Variants in MICAL3 observed in about 807,000 individuals in gnomAD.
MICAL3 encodes the protein [F-actin]-monooxygenase MICAL3.
MICAL3 carries 62 observed loss-of-function variants against 207.4 expected under a neutral mutation model. The ratio of observed to expected loss-of-function variants is 0.30; its 90% CI spans 0.24 to 0.37. The LOEUF is 0.37. Ranked by LOEUF, MICAL3 falls within the 10% of genes least tolerant of loss-of-function variation. MICAL3 has a pLI of 1.00. For missense variants in MICAL3, 2,368 were observed against 2,635.6 expected, an observed-to-expected ratio of 0.90 and a Z score of 2.22; for synonymous variants, 1,077 against 1,069.3, an observed-to-expected ratio of 1.01 and a Z score of -0.14.
intron 1 of MICAL3, among the ~76,000 whole-genome samples, chr22:17,938,240 G>A (rs1426493195): frequency 1.3e-5 from 2 of 152,082 alleles, no homozygotes; most frequent in Non-Finnish European, 2.9e-5. Flanking sequence ...ACTCAAGAGC[G>A]CCTCACTTTA....
At chr22:17,836,103 T>G (rs1415726473) in intron 20 of MICAL3, among the ~76,000 whole-genome samples, 2 of 152,260 alleles carry the variant, frequency 1.3e-5, no homozygotes, top group African/African-American at 4.8e-5. Context: ...TCCCCCCAGC[T>G]GTCTTCTCAC....
intron 1 of MICAL3, among the ~76,000 whole-genome samples, chr22:17,964,041 G>A (rs543999988): frequency 6.6e-6 from 1 of 152,306 alleles, no homozygotes; most frequent in East Asian, 1.9e-4. Flanking sequence ...TAATAACAGA[G>A]AGACTTCCTT....
rs556490572 is a variant in MICAL3, at chr22:17,963,668, G to A, written c.-74-56782C>T. ...CCATCAACGTGCTCCATAAGCCATA[G>A]GAGTCACCACAAACTTCGCAAGTGG... On this transcript the variant is annotated intron_variant, in intron 1 of 31. Coordinates refer to ENST00000441493, the MANE Select transcript of MICAL3 (RefSeq NM_015241.3). Among the ~76,000 whole-genome samples, 7 of 152,266 alleles carry A rather than the reference G, an allele frequency of 4.6e-5. No homozygotes were observed. In the East Asian group the frequency reaches 1.4e-3, roughly 29 times the overall value.
intron 29 of MICAL3, among the ~76,000 whole-genome samples, chr22:17,799,832 T>TA (rs1413986407): frequency 2.6e-5 from 4 of 151,748 alleles, no homozygotes; most frequent in Non-Finnish European, 5.9e-5. Flanking sequence ...AATGCAGAGA[T>TA]AAAGCTCCAG....
Position 17,831,972 on chromosome 22 carries a change from C to T in MICAL3, c.2937G>A (p.Glu979=). ...IHALLKGKSE[E]ELEASKSFGP... ...CAAAGCTCTTTGAGGCCTCTAGCTC[C>T]TCTTCACTTTTCCCTTTCAGAAGGG... Residue 979 remains glutamate, a synonymous_variant, in exon 21 of 32, where the codon GAG becomes GAA. Transcript: ENST00000441493. The T allele has an allele frequency of 6.3e-7, 1 of 1,596,964 alleles. No homozygotes were observed. Among genetic ancestry groups the T allele is most frequent in the Non-Finnish European group, 8.5e-7 (1 of 1,171,810 alleles).
chr22:17,893,085 A>G (rs1256212713), intron 11 of MICAL3, among the ~76,000 whole-genome samples: 1 of 152,192 alleles, frequency 6.6e-6, no homozygotes. Context: ...CACCTCTTCG[A>G]GGCCGCACAA....
intron 1 of MICAL3, among the ~76,000 whole-genome samples, chr22:17,922,437 A>G (rs899125120): frequency 6.6e-6 from 1 of 152,216 alleles, no homozygotes; most frequent in Non-Finnish European, 1.5e-5. Flanking sequence ...AGGACCAGGA[A>G]GCAGCCACAG....
At chr22:17,804,242 G>C (rs919193293) in intron 29 of MICAL3, among the ~76,000 whole-genome samples, 1 of 152,150 alleles carries the variant, frequency 6.6e-6, no homozygotes, top group Non-Finnish European at 1.5e-5. Flanking sequence ...GAGCGGGGCT[G>C]CCTGCGTGTC....
At chr22:17,953,277 T>C (rs916988470) in intron 1 of MICAL3, among the ~76,000 whole-genome samples, 2 of 152,058 alleles carry the variant, frequency 1.3e-5, no homozygotes, top group Non-Finnish European at 2.9e-5. Flanking sequence ...CCCACTAAAA[T>C]AAATTGAACA....
intron 16 of MICAL3, chr22:17,875,501 A>G (rs1180704373): frequency 6.4e-7 from 1 of 1,556,858 alleles, no homozygotes; most frequent in East Asian, 2.4e-5. Flanking sequence ...AGCGGAGACT[A>G]AGAGAAAGCT....
intron 1 of MICAL3, among the ~76,000 whole-genome samples, chr22:17,964,224 C>A (rs1602304414): frequency 6.6e-6 from 1 of 152,318 alleles, no homozygotes; most frequent in East Asian, 1.9e-4. Flanking sequence ...CTCCTCAGCT[C>A]AAGAGGAAGA....
At chr22:18,016,738 A>C (rs1924078837) in intron 1 of MICAL3, among the ~76,000 whole-genome samples, 2 of 152,198 alleles carry the variant, frequency 1.3e-5, no homozygotes, top group African/African-American at 2.4e-5. Flanking sequence ...CAGGAGATCA[A>C]GACCATCCTG....
At chr22:17,817,275 C>CGCACCCCTCCA in intron 26 of MICAL3, 36 bp downstream of exon 26, 1 of 1,542,348 alleles carries the variant, frequency 6.5e-7, no homozygotes, top group South Asian at 1.2e-5. Flanking sequence ...GCACCCCTCC[C>CGCACCCCTCCA]GCTCTGCCTG....
chr22:17,822,574 C>G (rs1427845488), intron 23 of MICAL3, among the ~76,000 whole-genome samples: 2 of 152,248 alleles, frequency 1.3e-5, no homozygotes, highest in Non-Finnish European at 2.9e-5. Context: ...CCTGCGCCCC[C>G]TCGCAAGCTT....
chr22:17,932,691 T>C (rs1020836388), intron 1 of MICAL3, among the ~76,000 whole-genome samples: 3 of 149,530 alleles, frequency 2.0e-5, no homozygotes, highest in Admixed American at 6.6e-5. Flanking sequence ...GCAAATTGAA[T>C]AGAGTCAAGA....
At chr22:17,875,483 G>A in intron 16 of MICAL3, 2 of 1,557,730 alleles carry the variant, frequency 1.3e-6, no homozygotes, top group East Asian at 2.4e-5. Flanking sequence ...AGGCGGGGCG[G>A]GCAGAGGAGC....
intron 1 of MICAL3, among the ~76,000 whole-genome samples, chr22:17,920,017 G>A (rs1189453945): frequency 1.3e-5 from 2 of 152,240 alleles, no homozygotes; most frequent in African/African-American, 4.8e-5. Flanking sequence ...ATCTGCATGA[G>A]AAAGCCACGA....
intron 1 of MICAL3, among the ~76,000 whole-genome samples, chr22:17,951,898 TGTTG>T: frequency 6.6e-6 from 1 of 152,118 alleles, no homozygotes; most frequent in Non-Finnish European, 1.5e-5. Context: ...GGTTTCCCCA[TGTTG>T]GCCAGGCTGG....
chr22:17,948,527 T>A (rs1934181554), intron 1 of MICAL3, among the ~76,000 whole-genome samples: 1 of 152,206 alleles, frequency 6.6e-6, no homozygotes. Context: ...ACACAGACCC[T>A]GCTCCTCAGA....
Sources: allele counts gnomAD v4.1 joint callset (sites outside exome capture counted in the v4.1 genomes callset), GRCh38; gene constraint gnomAD v4.1.1; transcripts MANE v1.5; gene names NCBI Gene and HGNC (gene_info 2026-07-23, HGNC 2026-07-21).